The following MEST variants were observed in gnomAD, a reference collection of about 807,000 sequenced individuals.
The protein encoded by MEST is mesoderm-specific transcript homolog protein.
MEST carries 18 observed loss-of-function variants against 50.9 expected under a neutral mutation model. The observed-to-expected ratio is 0.35, with a 90% confidence interval of 0.24 to 0.52. MEST has a LOEUF of 0.52. Ranked by LOEUF, MEST falls within the 20% of genes least tolerant of loss-of-function variation. MEST has a pLI of 0.94. For missense variants in MEST, 282 were observed against 425.3 expected, an observed-to-expected ratio of 0.66 and a Z score of 2.96; for synonymous variants, 130 against 154.1, an observed-to-expected ratio of 0.84 and a Z score of 1.16.
chr7:130,496,681 A>G (rs1034213723), intron 2 of MEST: 1 of 164,404 alleles, frequency 6.1e-6, no homozygotes, highest in Non-Finnish European at 1.3e-5. Flanking sequence ...CTGCTGAATA[A>G]AAAGTGCTGA....
At chr7:130,495,257 A>C in intron 1 of MEST, 111 bp from the exon 2 acceptor site, 1 of 1,099,456 alleles carries the variant, frequency 9.1e-7, no homozygotes, top group Non-Finnish European at 1.3e-6. Context: ...AGGGCAATGT[A>C]ATCATTGCAT....
chr7:130,492,198 C>T lies in MEST; in HGVS notation c.-116C>T. 5.7e-6 allele frequency: 5 copies of T among 882,210 alleles called. No homozygotes were observed. Among genetic ancestry groups the T allele is most frequent in the Non-Finnish European group, 5.9e-6 (4 of 682,614 alleles). 54.6% of individuals were successfully genotyped at this position (882,210 alleles called of 1,614,324 possible). ...AGCTGCCCGGCGCGGCGCCGCCCTG[C>T]GCGGGCTGTGGGCTGCGGGCTGCGC... On this transcript the variant is annotated 5_prime_UTR_variant, in exon 1 of 12. Coordinates refer to ENST00000223215, the MANE Select transcript of MEST (RefSeq NM_002402.4). The surrounding 1 kb of genome is among the most constrained non-coding windows in gnomAD (Gnocchi z 7.6).
chr7:130,506,318 TCCCCCCCA>T lies in MEST; in HGVS notation c.*1267_*1274del, dbSNP rs1290932008. On this transcript the variant is annotated 3_prime_UTR_variant, in exon 12 of 12. Coordinates refer to ENST00000223215, the MANE Select transcript of MEST (RefSeq NM_002402.4). ...GTGGACTCTGGCTTCCCCTCCCCCC[TCCCCCCCA>T]CCCCTCTGGGATAAAAATTTTCCAG... 6 of 26,344 alleles carry T rather than the reference TCCCCCCCA, an allele frequency of 2.3e-4. No individual in the cohort carries two copies. The highest frequency in any genetic ancestry group is 4.0e-4 in the Non-Finnish European group (5 of 12,644). The allele number at this position is 26,344 out of a possible 1,614,324, so 1.6% of individuals were successfully genotyped here. A position where few individuals can be genotyped will look rare whatever the true frequency, so the allele number is the denominator to read the frequency against.
At chr7:130,490,607 G>A (rs1554434889), upstream of MEST, among the ~76,000 whole-genome samples, 1 of 152,220 alleles carries the variant, frequency 6.6e-6, no homozygotes, top group African/African-American at 2.4e-5. Context: ...GGCCTTACAC[G>A]TTAGGGAGGA....
intron 10 of MEST, 136 bp from the exon 11 acceptor site, chr7:130,503,796 AG>A: frequency 1.6e-6 from 1 of 642,174 alleles, no homozygotes; most frequent in Non-Finnish European, 2.7e-6. Context: ...AGCCTGAGCA[AG>A]GGAGAGAGAG....
chr7:130,502,095 G>T (rs1370604766), intron 9 of MEST, among the ~76,000 whole-genome samples: 1 of 152,152 alleles, frequency 6.6e-6, no homozygotes, highest in Non-Finnish European at 1.5e-5. Flanking sequence ...TTTGGCACAT[G>T]CCTGTACTCC....
chr7:130,488,425 T>A (rs550366024), upstream of MEST: 5 of 152,366 alleles, frequency 3.3e-5, no homozygotes, highest in African/African-American at 9.6e-5. Flanking sequence ...CACATTTCCT[T>A]CTTCTACTTA....
rs1430598312 is a variant in MEST at position 130,492,503 on chromosome 7, G to A, written c.26+164G>A. Reference sequence around the variant, plus strand: ...CGCCCGCTCTGCCTACTTGAGGAGGGGGTGTCACTCCTGCCCGCAATGGAA... The same window carrying A: ...CGCCCGCTCTGCCTACTTGAGGAGGAGGTGTCACTCCTGCCCGCAATGGAA... On this transcript the variant is annotated intron_variant, in intron 1 of 11. Coordinates refer to ENST00000223215, the MANE Select transcript of MEST (RefSeq NM_002402.4). The surrounding 1 kb of genome is among the most constrained non-coding windows in gnomAD (Gnocchi z 7.6). 1.2e-5 allele frequency: 6 copies of A among 482,500 alleles called. No homozygotes were observed. The highest frequency in any genetic ancestry group is 2.0e-5 in the Non-Finnish European group (6 of 304,524). The allele number at this position is 482,500 out of a possible 1,614,324, so 29.9% of individuals were successfully genotyped here.
chr7:130,493,460 C>T (rs942312495), intron 1 of MEST, among the ~76,000 whole-genome samples: 3 of 152,282 alleles, frequency 2.0e-5, no homozygotes, highest in African/African-American at 7.2e-5. Context: ...GGCTAGGTTG[C>T]TTCACTTCTA....
intron 10 of MEST, among the ~76,000 whole-genome samples, chr7:130,503,262 G>C (rs1799343786): frequency 1.3e-5 from 2 of 152,200 alleles, no homozygotes; most frequent in Non-Finnish European, 2.9e-5. Context: ...ATTATTGGTT[G>C]ATTTCAAATG....
At chr7:130,498,652 C>G (rs1799162074) in intron 6 of MEST, 175 bp downstream of exon 6, 2 of 635,908 alleles carry the variant, frequency 3.1e-6, no homozygotes, top group East Asian at 5.5e-5. Flanking sequence ...TTTATGGACC[C>G]TTTCTCAGAA....
Position 130,505,932 on chromosome 7 carries a change from G to A in MEST, c.*876G>A, listed in dbSNP as rs1439858208. The A allele has an allele frequency of 1.3e-5, 2 of 152,420 alleles. No individual in the cohort carries two copies. The highest frequency in any genetic ancestry group is 2.9e-5 in the Non-Finnish European group (2 of 68,046). The allele number at this position is 152,420 out of a possible 1,614,324, so 9.4% of individuals were successfully genotyped here. A position where few individuals can be genotyped will look rare whatever the true frequency, so the allele number is the denominator to read the frequency against. Reference sequence around the variant, plus strand: ...AGAAGCATGTCTCTCTTGAGCTACAGTAGAGGGGAAGGGATTGTTGTGTAG... The same window carrying A: ...AGAAGCATGTCTCTCTTGAGCTACAATAGAGGGGAAGGGATTGTTGTGTAG... On this transcript the variant is annotated 3_prime_UTR_variant, in exon 12 of 12. Transcript: ENST00000223215.
At chr7:130,503,907 T>G in intron 10 of MEST, 26 bp from the exon 11 acceptor site, 1 of 1,558,834 alleles carries the variant, frequency 6.4e-7, no homozygotes, top group Non-Finnish European at 8.8e-7. Flanking sequence ...AGCTGTTAAG[T>G]ATTTCATTCC....
intron 6 of MEST, chr7:130,498,704 G>A (rs1424712726): frequency 3.0e-5 from 18 of 595,412 alleles, no homozygotes; most frequent in Non-Finnish European, 3.0e-6. Context: ...AAAGGATAGT[G>A]ACTTTACTTA....
intron 1 of MEST, chr7:130,494,572 G>A (rs1798967180): frequency 6.6e-6 from 1 of 152,200 alleles, no homozygotes; most frequent in Non-Finnish European, 1.5e-5. Flanking sequence ...TGCCTTATCT[G>A]GGGGTGGGGG....
At position 130,505,242 on chromosome 7, in the gene MEST, T is replaced by TAATA. The variant is rs1360718068; in HGVS notation, c.*187_*190dup. ...GCAGGAGCTCTGACTAAGGTTGACATAATAGTCCACCTCCCATTACTTTGA... is the reference window on the plus strand; with the variant it reads ...GCAGGAGCTCTGACTAAGGTTGACATAATAAATAGTCCACCTCCCATTACTTTGA... On this transcript the variant is annotated 3_prime_UTR_variant, in exon 12 of 12. Transcript: ENST00000223215. The TAATA allele has an allele frequency of 1.3e-5, 7 of 551,090 alleles. No individual in the cohort carries two copies. Among genetic ancestry groups the TAATA allele is most frequent in the Non-Finnish European group, 2.0e-5 (6 of 304,846 alleles). 34.1% of individuals were successfully genotyped at this position (551,090 alleles called of 1,614,324 possible).
At chr7:130,499,987 G>C in intron 7 of MEST, 72 bp downstream of exon 7, 13 of 1,247,872 alleles carry the variant, frequency 1.0e-5, no homozygotes, top group Non-Finnish European at 1.5e-5. Flanking sequence ...ACCTTTTAAG[G>C]GCCATAGCTC....
intron 2 of MEST, chr7:130,496,469 A>G (rs1799065949): frequency 9.6e-6 from 3 of 314,004 alleles, no homozygotes; most frequent in Non-Finnish European, 1.2e-5. Context: ...TGTCACTGGC[A>G]GTATATGAAT....
At chr7:130,488,764 T>G (rs1798697568), upstream of MEST, 1 of 152,244 alleles carries the variant, frequency 6.6e-6, no homozygotes, top group Admixed American at 6.5e-5. Context: ...ACATTCCTAT[T>G]TGTCTCTGTT....
Sources: gnomAD v4.1 joint callset for allele counts (sites outside exome capture counted in the v4.1 genomes callset) on GRCh38, gnomAD v4.1.1 for gene constraint, Gnocchi (gnomAD v3.1) non-coding constraint, MANE v1.5 for transcripts, NCBI Gene and HGNC (gene_info 2026-07-23, HGNC 2026-07-21) for gene names.